Variants in YPEL2 observed in about 807,000 individuals in gnomAD.
YPEL2 encodes protein yippee-like 2.
YPEL2 carries 2 observed loss-of-function variants against 19.1 expected under a neutral mutation model. The ratio of observed to expected loss-of-function variants is 0.10; its 90% CI spans 0.04 to 0.33. The LOEUF is 0.33. Among genes scored for constraint, YPEL2 ranks in the 10% least tolerant of loss-of-function variants. YPEL2 has a pLI of 1.00. For synonymous variants in YPEL2, 52 were observed against 50.0 expected, an observed-to-expected ratio of 1.04 and a Z score of -0.17; for missense variants, 66 against 140.7, an observed-to-expected ratio of 0.47 and a Z score of 2.68.
intron 2 of YPEL2, chr17:59,355,284 TTGAG>T (rs1322292054): frequency 6.6e-6 from 1 of 152,206 alleles, no homozygotes; most frequent in Non-Finnish European, 1.5e-5. Context: ...AGTGATTACT[TTGAG>T]TGGGTGTTCA....
intron 2 of YPEL2, among the ~76,000 whole-genome samples, chr17:59,368,114 C>G (rs2047879559): frequency 1.3e-5 from 2 of 152,096 alleles, no homozygotes; most frequent in South Asian, 4.1e-4. Flanking sequence ...GACAGAGTCT[C>G]ACTCTGTTGC....
At chr17:59,340,108 A>AT (rs2047720342) in intron 1 of YPEL2, among the ~76,000 whole-genome samples, 2 of 149,276 alleles carry the variant, frequency 1.3e-5, no homozygotes, top group East Asian at 3.9e-4. Flanking sequence ...ATTTTGTGGA[A>AT]CTTTTTTTTT....
chr17:59,337,218 C>T (rs928491987), intron 1 of YPEL2, among the ~76,000 whole-genome samples: 19 of 142,824 alleles, frequency 1.3e-4, no homozygotes, highest in South Asian at 2.2e-4. Context: ...GACGGAGTCT[C>T]GCTCTGTGGC....
chr17:59,351,172 C>G (rs1361756086), intron 1 of YPEL2, among the ~76,000 whole-genome samples: 1 of 152,064 alleles, frequency 6.6e-6, no homozygotes, highest in Non-Finnish European at 1.5e-5. Flanking sequence ...GTCAGGAGTT[C>G]AAGACCAGTC....
chr17:59,377,539 C>T (rs150110651), intron 2 of YPEL2, among the ~76,000 whole-genome samples: 14 of 152,284 alleles, frequency 9.2e-5, no homozygotes, highest in East Asian at 7.7e-4. Context: ...TCCTTCTGGA[C>T]GAGGCATACT....
intron 2 of YPEL2, chr17:59,355,704 A>G (rs1364618321): frequency 3.3e-5 from 5 of 152,194 alleles, no homozygotes; most frequent in Non-Finnish European, 7.3e-5. Flanking sequence ...TCAGTAAATG[A>G]TAAATGAATA....
chr17:59,357,984 A>G (rs1038234852), intron 2 of YPEL2, among the ~76,000 whole-genome samples: 1 of 152,160 alleles, frequency 6.6e-6, no homozygotes, highest in Admixed American at 6.5e-5. Context: ...TATTTACGCT[A>G]TTGTTATGTC....
At chr17:59,359,761 C>CTT (rs1041939268) in intron 2 of YPEL2, among the ~76,000 whole-genome samples, 21 of 152,242 alleles carry the variant, frequency 1.4e-4, no homozygotes, top group African/African-American at 4.3e-4. Context: ...AAAAGTAAAC[C>CTT]TTTTGTTTCT....
At chr17:59,365,962 C>T (rs1049163352) in intron 2 of YPEL2, 1 of 152,342 alleles carries the variant, frequency 6.6e-6, no homozygotes, top group African/African-American at 2.4e-5. Flanking sequence ...CCCTTTAGCC[C>T]CTGACACCTT....
At chr17:59,388,484 T>TCCACAGAGTTTTA in intron 3 of YPEL2, 114 bp downstream of exon 3, 1 of 1,068,176 alleles carries the variant, frequency 9.4e-7, no homozygotes, top group Non-Finnish European at 1.5e-6. Context: ...ACAGTAAAAC[T>TCCACAGAGTTTTA]CTGTGGAGCA....
intron 2 of YPEL2, among the ~76,000 whole-genome samples, chr17:59,366,921 TC>T (rs2147946472): frequency 6.6e-6 from 1 of 152,312 alleles, no homozygotes; most frequent in East Asian, 1.9e-4. Context: ...TTCCTCCCTG[TC>T]CATCTCTTTC....
chr17:59,373,766 T>C (rs2047907826), intron 2 of YPEL2, among the ~76,000 whole-genome samples: 1 of 152,330 alleles, frequency 6.6e-6, no homozygotes, highest in Non-Finnish European at 1.5e-5. Flanking sequence ...GCTGTTTTGC[T>C]CAGGAGATGA....
chr17:59,386,201 C>T (rs932106008), intron 2 of YPEL2, among the ~76,000 whole-genome samples: 2 of 151,454 alleles, frequency 1.3e-5, no homozygotes, highest in African/African-American at 4.9e-5. Flanking sequence ...GTGGTATGCA[C>T]CTGTGGTCCC....
intron 1 of YPEL2, among the ~76,000 whole-genome samples, chr17:59,343,191 A>C (rs1186480094): frequency 1.3e-5 from 2 of 152,248 alleles, no homozygotes; most frequent in Non-Finnish European, 2.9e-5. Context: ...TGTAATGCCC[A>C]GATTGGATAT....
chr17:59,341,095 C>T (rs578091713), intron 1 of YPEL2, among the ~76,000 whole-genome samples: 2 of 139,728 alleles, frequency 1.4e-5, no homozygotes, highest in South Asian at 2.5e-4. Context: ...GATGCTGAGG[C>T]GGGCAGATAG....
rs915147539 is a variant in YPEL2 at position 59,399,764 on chromosome 17, A to T, written c.*2574A>T. ...GAGAGGCCACAGCTGAGCTATGGAGATGCTAAATTAACTCATGGCCTCAGT... is the reference window on the plus strand; with the variant it reads ...GAGAGGCCACAGCTGAGCTATGGAGTTGCTAAATTAACTCATGGCCTCAGT... On this transcript the variant is annotated 3_prime_UTR_variant, in exon 5 of 5. Transcript: ENST00000312655. 4 of 152,666 alleles carry T rather than the reference A, an allele frequency of 2.6e-5. No homozygotes were observed. Among genetic ancestry groups the T allele is most frequent in the Non-Finnish European group, 4.4e-5 (3 of 68,056 alleles). 9.5% of individuals were successfully genotyped at this position (152,666 alleles called of 1,614,324 possible).
rs1476588703 is a variant in YPEL2, at chr17:59,345,298, T to G, written c.-195-7917T>G. 4.6e-5 allele frequency: 7 copies of G among 152,280 alleles called. No homozygotes were observed. In the East Asian group the frequency reaches 7.7e-4, roughly 17 times the overall value. 9.4% of individuals were successfully genotyped at this position (152,280 alleles called of 1,614,324 possible). A position where few individuals can be genotyped will look rare whatever the true frequency, so the allele number is the denominator to read the frequency against. ...TGCATCCAGGGTTGAGATGAATGGTTGTTTTTGTTTATGAAGGAGCGTGGT... is the reference window on the plus strand; with the variant it reads ...TGCATCCAGGGTTGAGATGAATGGTGGTTTTTGTTTATGAAGGAGCGTGGT... On this transcript the variant is annotated intron_variant, in intron 1 of 4. Coordinates refer to ENST00000312655, the MANE Select transcript of YPEL2 (RefSeq NM_001005404.4).
chr17:59,364,309 T>C (rs2047856921), intron 2 of YPEL2, among the ~76,000 whole-genome samples: 1 of 152,160 alleles, frequency 6.6e-6, no homozygotes, highest in African/African-American at 2.4e-5. Flanking sequence ...ACTTTGCACA[T>C]AGCTGGTGCA....
At chr17:59,334,706 G>C (rs1045022047) in intron 1 of YPEL2, among the ~76,000 whole-genome samples, 3 of 152,108 alleles carry the variant, frequency 2.0e-5, no homozygotes, top group Non-Finnish European at 4.4e-5. Context: ...CTGCGATTTA[G>C]CTTCAAAAAG....
Sources: gnomAD v4.1 joint callset for allele counts (sites outside exome capture counted in the v4.1 genomes callset) on GRCh38, gnomAD v4.1.1 for gene constraint, MANE v1.5 for transcripts, NCBI Gene and HGNC (gene_info 2026-07-23, HGNC 2026-07-21) for gene names.